Variants in KIAA0586 observed in about 807,000 individuals in gnomAD.
The protein encoded by KIAA0586 is protein TALPID3.
In KIAA0586, 144 loss-of-function variants were observed where a neutral mutation model predicts 169.8. The ratio of observed to expected loss-of-function variants is 0.85; its 90% CI spans 0.74 to 0.97. The LOEUF is 0.97. Among genes scored for constraint, KIAA0586 ranks in the 50% least tolerant of loss-of-function variants. KIAA0586 has a pLI of 0.00. For missense variants in KIAA0586, 1,854 were observed against 1,823.0 expected (o/e 1.02, Z -0.31); for synonymous variants, 625 against 612.4 (o/e 1.02, Z -0.30).
chr14:58,498,034 T>C (rs983559518), intron 26 of KIAA0586, among the ~76,000 whole-genome samples: 8 of 151,968 alleles, frequency 5.3e-5, no homozygotes, highest in Non-Finnish European at 1.2e-4. Flanking sequence ...CCTGCCACCA[T>C]GCCCAGCTAA....
chr14:58,471,524 C>A lies in KIAA0586; in HGVS notation c.2554-675C>A, dbSNP rs539113229. Among the ~76,000 whole-genome samples, 58 of 152,288 alleles carry A rather than the reference C, an allele frequency of 3.8e-4. 1 individual carries two copies. Among genetic ancestry groups the A allele is most frequent in the African/African-American group, 1.3e-3 (56 of 41,564 alleles). ...TACCCCAGGTTTTGTTTATTGTAAG[C>A]AAACTTGGCCAAGGGTACAGTTTTA... On this transcript the variant is annotated intron_variant, in intron 17 of 30. Transcript: ENST00000652326.
intron 29 of KIAA0586, among the ~76,000 whole-genome samples, chr14:58,519,425 T>C (rs2045025365): frequency 6.6e-6 from 1 of 152,176 alleles, no homozygotes; most frequent in Non-Finnish European, 1.5e-5. Flanking sequence ...ATTCCTGTTT[T>C]ACAAGAGAGA....
intron 8 of KIAA0586, among the ~76,000 whole-genome samples, chr14:58,452,796 G>A (rs1474160450): frequency 2.0e-5 from 3 of 152,184 alleles, no homozygotes; most frequent in Non-Finnish European, 2.9e-5. Context: ...CTCCCAGAGT[G>A]CTGGGATTGC....
At chr14:58,514,520 AAGG>A (rs1289205146) in intron 29 of KIAA0586, among the ~76,000 whole-genome samples, 1 of 152,070 alleles carries the variant, frequency 6.6e-6, no homozygotes. Context: ...TCTATAAAGA[AAGG>A]AGCAGTAGCA....
chr14:58,484,910 A>ATTTATATATATATATTTATATATATTTT (rs1392605713), intron 21 of KIAA0586, among the ~76,000 whole-genome samples: 2 of 25,042 alleles, frequency 8.0e-5, no homozygotes, highest in Non-Finnish European at 1.6e-4. Flanking sequence ...ATATATATAT[A>ATTTATATATATATATTTATATATATTTT]TATATATATA....
At chr14:58,542,053 T>G (rs1297835474) in intron 30 of KIAA0586, among the ~76,000 whole-genome samples, 7 of 152,230 alleles carry the variant, frequency 4.6e-5, no homozygotes, top group Non-Finnish European at 8.8e-5. Flanking sequence ...AAAATTAATT[T>G]TTTTATGAAT....
chr14:58,507,489 A>T (rs1398856255), intron 27 of KIAA0586, among the ~76,000 whole-genome samples: 1 of 151,364 alleles, frequency 6.6e-6, no homozygotes, highest in Non-Finnish European at 1.5e-5. Flanking sequence ...GTCTAGCAAG[A>T]CTGTGAAACA....
At chr14:58,500,462 T>C (rs150608461) in intron 27 of KIAA0586, among the ~76,000 whole-genome samples, 294 of 152,160 alleles carry the variant, frequency 1.9e-3, no homozygotes, top group East Asian at 0.011. Context: ...ATCCAGCACT[T>C]TGGGAGGCCA....
rs1595361915 is a variant in KIAA0586 at position 58,492,245 on chromosome 14, A to T, written c.3960A>T (p.Ala1320=). The part of the protein sequence containing the change: ...LSFAKQNQES[A]VSQQAVYHSE... ...TTGCTAAACAAAACCAGGAGTCAGC[A>T]GTTTCCCAGCAAGCAGTCTATCATT... The change falls in exon 26 of 31, where the codon GCA becomes GCT. Residue 1320 remains alanine (A), a synonymous_variant. Coordinates refer to ENST00000652326, the MANE Select transcript of KIAA0586 (RefSeq NM_001329943.3). The T allele has an allele frequency of 1.3e-6, 2 of 1,551,226 alleles. No individual in the cohort carries two copies. Among genetic ancestry groups the T allele is most frequent in the Non-Finnish European group, 1.7e-6 (2 of 1,146,900 alleles).
In KIAA0586 at chr14:58,448,363, C is replaced by G. The variant is rs780520735; in HGVS notation, c.831C>G (p.Leu277=). Residue 277 remains leucine (L), a synonymous_variant, in exon 7 of 31, where the codon CTC becomes CTG. Coordinates refer to ENST00000652326, the MANE Select transcript of KIAA0586 (RefSeq NM_001329943.3). Reference sequence around the variant, plus strand: ...AGACTCATTTTATTAGTGCTGCACTCAAGACTAGTAGTTTTCAGCCTGTTA... The same window carrying G: ...AGACTCATTTTATTAGTGCTGCACTGAAGACTAGTAGTTTTCAGCCTGTTA... The part of the protein sequence containing the change: ...DIQTHFISAA[L]KTSSFQPVSM... 23 of 1,597,816 alleles carry G rather than the reference C, an allele frequency of 1.4e-5. No homozygotes were observed. Among genetic ancestry groups the G allele is most frequent in the Middle Eastern group, 1.7e-4 (1 of 6,020 alleles).
At chr14:58,446,757 C>T (rs2038936133) in intron 6 of KIAA0586, among the ~76,000 whole-genome samples, 1 of 151,942 alleles carries the variant, frequency 6.6e-6, no homozygotes, top group Non-Finnish European at 1.5e-5. Context: ...TGATTATATG[C>T]ATACCAAGTA....
Position 58,429,417 on chromosome 14 carries a change from C to G in KIAA0586, c.254C>G (p.Pro85Arg). 1 of 1,591,944 alleles carries G rather than the reference C, an allele frequency of 6.3e-7. No homozygotes were observed. The highest frequency in any genetic ancestry group is 8.6e-7 in the Non-Finnish European group (1 of 1,160,256). The part of the protein sequence containing the change: ...RNCYQPLLEN[P>R]MVSESDFSKD... ...TGTTACCAGCCTCTATTAGAAAATC[C>G]CATGGTGTCAGAAAGTGTAAGCAAA... The change falls in exon 2 of 31, where the codon CCC becomes CGC. Residue 85 changes from proline to arginine, a missense_variant. Physicochemically the swap from Pro to Arg is moderately radical, Grantham distance 103. Transcript: ENST00000652326.
At chr14:58,546,848 T>C (rs970795839) in intron 30 of KIAA0586, among the ~76,000 whole-genome samples, 1 of 152,196 alleles carries the variant, frequency 6.6e-6, no homozygotes, top group Non-Finnish European at 1.5e-5. Flanking sequence ...TCATATTTCA[T>C]TAAATGTAGA....
rs375793543 is a variant in KIAA0586, at chr14:58,464,344, T to C, written c.2060-1491T>C. Among the ~76,000 whole-genome samples, 4 of 152,100 alleles carry C rather than the reference T, an allele frequency of 2.6e-5. 1 individual carries two copies. On this transcript the variant is annotated intron_variant, in intron 14 of 30. Coordinates refer to ENST00000652326, the MANE Select transcript of KIAA0586 (RefSeq NM_001329943.3). The stretch of plus-strand genomic sequence containing the variant: ...AAGGTTTATCCCCCAGTTTCTTGAA[T>C]GTGGTATCTTCACATCTTGGACCTT...
intron 4 of KIAA0586, among the ~76,000 whole-genome samples, chr14:58,437,922 G>A (rs967394599): frequency 5.3e-5 from 8 of 152,130 alleles, no homozygotes; most frequent in Admixed American, 3.3e-4. Context: ...GAGAAAGCAA[G>A]CTAGCTTCTA....
At chr14:58,547,682 G>GGGCCCC in intron 30 of KIAA0586, 99 bp from the exon 31 acceptor site, 3 of 964,700 alleles carry the variant, frequency 3.1e-6, no homozygotes, top group Non-Finnish European at 4.6e-6. Context: ...TTTGGAATCC[G>GGGCCCC]CGCCCCCCCA....
At chr14:58,500,429 A>C (rs2043477856) in intron 27 of KIAA0586, among the ~76,000 whole-genome samples, 3 of 152,106 alleles carry the variant, frequency 2.0e-5, no homozygotes, top group Non-Finnish European at 2.9e-5. Flanking sequence ...TAGACAGGCC[A>C]GATGCAGTGG....
At position 58,442,769 on chromosome 14, in the gene KIAA0586, GA is replaced by G; in HGVS notation, c.476del (p.Lys159ArgfsTer35). Reference sequence around the variant, plus strand: ...ATCTGTTAGAAGATGCAGGCATAGAGAAGGATGCTGTTACTCAGGAGACTAG... The same window carrying G: ...ATCTGTTAGAAGATGCAGGCATAGAGAGGATGCTGTTACTCAGGAGACTAG... ...VHLLEDAGIE[K>X]DAVTQETRIS... On this transcript the variant is annotated frameshift_variant, in exon 5 of 31. Coordinates refer to ENST00000652326, the MANE Select transcript of KIAA0586 (RefSeq NM_001329943.3). LOFTEE classifies it high-confidence loss of function. 1 of 1,599,720 alleles carries G rather than the reference GA, an allele frequency of 6.3e-7. No individual in the cohort carries two copies. Among genetic ancestry groups the G allele is most frequent in the Non-Finnish European group, 8.5e-7 (1 of 1,172,142 alleles).
intron 29 of KIAA0586, chr14:58,521,556 G>C: frequency 1.2e-6 from 1 of 858,512 alleles, no homozygotes; most frequent in African/African-American, 1.7e-5. Context: ...CGAAATGTCA[G>C]CATGTATCAG....
Sources: allele counts gnomAD v4.1 joint callset (sites outside exome capture counted in the v4.1 genomes callset), GRCh38; gene constraint gnomAD v4.1.1; transcripts MANE v1.5; gene names NCBI Gene and HGNC (gene_info 2026-07-23, HGNC 2026-07-21).